Variants in CDH12 observed in about 807,000 individuals in gnomAD.
CDH12 encodes the protein cadherin-12.
In CDH12, 41 loss-of-function variants were observed where a neutral mutation model predicts 74.1. The ratio of observed to expected loss-of-function variants is 0.55; its 90% CI spans 0.43 to 0.72. CDH12 has a LOEUF of 0.72. Ranked by LOEUF, CDH12 falls within the 30% of genes least tolerant of loss-of-function variation. CDH12 has a pLI of 0.00. For synonymous variants in CDH12, 399 were observed against 355.0 expected (o/e 1.12, Z -1.39); for missense variants, 945 against 977.2 (o/e 0.97, Z 0.44).
intron 1 of CDH12, among the ~76,000 whole-genome samples, chr5:22,824,060 A>T (rs558321109): frequency 6.6e-6 from 1 of 152,306 alleles, no homozygotes; most frequent in South Asian, 2.1e-4. Flanking sequence ...CTCCAAGAAC[A>T]TAAATATATC....
intron 6 of CDH12, among the ~76,000 whole-genome samples, chr5:21,945,751 A>T (rs1299103118): frequency 7.0e-6 from 1 of 143,668 alleles, no homozygotes; most frequent in African/African-American, 2.8e-5. Flanking sequence ...AAGAAAACTG[A>T]TAAAAAAAAA....
At chr5:22,258,549 A>T (rs1753401673) in intron 3 of CDH12, among the ~76,000 whole-genome samples, 2 of 139,548 alleles carry the variant, frequency 1.4e-5, no homozygotes, top group Admixed American at 7.2e-5. Flanking sequence ...GTTAAAAGTT[A>T]AAAAAAAAAA....
At chr5:21,916,685 T>A (rs934368457) in intron 6 of CDH12, among the ~76,000 whole-genome samples, 1 of 152,082 alleles carries the variant, frequency 6.6e-6, no homozygotes, top group Non-Finnish European at 1.5e-5. Flanking sequence ...CTGGAGTGGC[T>A]GGTGGATTGA....
chr5:22,384,782 G>C (rs370238471), intron 3 of CDH12, among the ~76,000 whole-genome samples: 3 of 152,110 alleles, frequency 2.0e-5, no homozygotes, highest in East Asian at 3.9e-4. Context: ...GAACAAATTA[G>C]AGCGACTAAA....
chr5:22,305,160 C>A (rs959252697), intron 3 of CDH12, among the ~76,000 whole-genome samples: 1 of 152,026 alleles, frequency 6.6e-6, no homozygotes, highest in Non-Finnish European at 1.5e-5. Context: ...TCCCCAAATA[C>A]AAATTTCCTC....
chr5:22,839,587 C>T (rs1184871757), intron 1 of CDH12, among the ~76,000 whole-genome samples: 2 of 152,084 alleles, frequency 1.3e-5, no homozygotes, highest in Admixed American at 6.6e-5. Flanking sequence ...GAACGCCTGA[C>T]ACATGTGTTC....
In CDH12 at chr5:22,191,944, CTGTT is replaced by C. The variant is rs969676912; in HGVS notation, c.-187+20550_-187+20553del. Among the ~76,000 whole-genome samples, 33 of 150,838 alleles carry C rather than the reference CTGTT, an allele frequency of 2.2e-4. No homozygotes were observed. In the East Asian group the frequency reaches 3.4e-3, roughly 15 times the overall value. On this transcript the variant is annotated intron_variant, in intron 4 of 14. Coordinates refer to ENST00000382254, the MANE Select transcript of CDH12 (RefSeq NM_004061.5). ...ATTAATACTCATGTTTTTTGTTTGTCTGTTTGTTTGAGACAGAGGCTTGGTCTGT... is the reference window on the plus strand; with the variant it reads ...ATTAATACTCATGTTTTTTGTTTGTCTGTTTGAGACAGAGGCTTGGTCTGT...
At chr5:21,832,381 A>C (rs1265276344) in intron 8 of CDH12, among the ~76,000 whole-genome samples, 1 of 152,092 alleles carries the variant, frequency 6.6e-6, no homozygotes, top group African/African-American at 2.4e-5. Context: ...ATATGCCTAC[A>C]TCAGCCTATA....
chr5:22,764,956 T>G (rs1056782541), intron 1 of CDH12, among the ~76,000 whole-genome samples: 2 of 151,954 alleles, frequency 1.3e-5, no homozygotes, highest in South Asian at 4.1e-4. Flanking sequence ...ATATACTGTG[T>G]TTGCATATCA....
At chr5:22,283,139 G>T (rs1208280990) in intron 3 of CDH12, among the ~76,000 whole-genome samples, 2 of 149,406 alleles carry the variant, frequency 1.3e-5, no homozygotes, top group Non-Finnish European at 3.0e-5. Context: ...CCATCTTCTA[G>T]AAATGTTTGA....
chr5:22,323,825 A>G (rs1738981889), intron 3 of CDH12, among the ~76,000 whole-genome samples: 1 of 152,170 alleles, frequency 6.6e-6, no homozygotes, highest in Admixed American at 6.5e-5. Flanking sequence ...GTTATACATC[A>G]CAAGCTAGAG....
At chr5:21,765,181 T>A (rs1286625499) in intron 11 of CDH12, 82 bp from the exon 12 acceptor site, 17 of 1,176,804 alleles carry the variant, frequency 1.4e-5, no homozygotes, top group East Asian at 2.9e-5. Context: ...TTTACATTTT[T>A]AAAAATCAGC....
intron 3 of CDH12, among the ~76,000 whole-genome samples, chr5:22,236,037 C>T (rs1752548680): frequency 6.6e-6 from 1 of 152,132 alleles, no homozygotes; most frequent in Non-Finnish European, 1.5e-5. Context: ...CAAAAAGGTA[C>T]CGTAAAAATG....
chr5:22,747,058 C>T (rs1445664686), intron 1 of CDH12, among the ~76,000 whole-genome samples: 1 of 152,090 alleles, frequency 6.6e-6, no homozygotes, highest in Non-Finnish European at 1.5e-5. Context: ...ATTTTGATGT[C>T]CTAGTTCATT....
intron 3 of CDH12, among the ~76,000 whole-genome samples, chr5:22,349,939 T>C (rs182620113): frequency 6.6e-6 from 1 of 152,282 alleles, no homozygotes; most frequent in African/African-American, 2.4e-5. Context: ...AACAATAGAA[T>C]AAATAAATGA....
chr5:22,313,935 CA>C (rs1270929430), intron 3 of CDH12, among the ~76,000 whole-genome samples: 2 of 151,666 alleles, frequency 1.3e-5, no homozygotes, highest in South Asian at 2.1e-4. Context: ...GCCCATGTAA[CA>C]AAAAACCACT....
At chr5:22,652,734 C>T (rs1739805646) in intron 1 of CDH12, among the ~76,000 whole-genome samples, 1 of 152,076 alleles carries the variant, frequency 6.6e-6, no homozygotes, top group Non-Finnish European at 1.5e-5. Flanking sequence ...ACAAGAAATT[C>T]TCACAAGTGT....
chr5:22,185,004 C>T (rs1364218023), intron 4 of CDH12, among the ~76,000 whole-genome samples: 1 of 152,094 alleles, frequency 6.6e-6, no homozygotes, highest in African/African-American at 2.4e-5. Context: ...TCCCCTCTCC[C>T]ACCCTACCCT....
At position 21,768,281 on chromosome 5, in the gene CDH12, T is replaced by C. The variant is rs149330624; in HGVS notation, c.1394-3182A>G. On this transcript the variant is annotated intron_variant, in intron 11 of 14. Transcript: ENST00000382254. ...CAGATAACAAATAAATAATTCTATG[T>C]TTGTCCCTTATACCTTCACAATGCT... Among the ~76,000 whole-genome samples, 640 of 151,920 alleles carry C rather than the reference T, an allele frequency of 4.2e-3. 5 individuals are homozygous for C. The highest frequency in any genetic ancestry group is 0.014 in the African/African-American group (593 of 41,560).
Sources: gnomAD v4.1 joint callset for allele counts (sites outside exome capture counted in the v4.1 genomes callset) on GRCh38, gnomAD v4.1.1 for gene constraint, MANE v1.5 for transcripts, NCBI Gene and HGNC (gene_info 2026-07-23, HGNC 2026-07-21) for gene names.